The following FGD3 variants were observed in gnomAD, a reference collection of about 807,000 sequenced individuals.
FGD3 encodes FYVE, RhoGEF and PH domain-containing protein 3.
FGD3 carries 45 observed loss-of-function variants against 71.8 expected under a neutral mutation model. That is an observed-to-expected ratio of 0.63 (90% confidence interval 0.49 to 0.80). FGD3 has a LOEUF of 0.80. FGD3 is among the 30% of genes least tolerant of loss of function. FGD3 has a pLI of 0.00. For synonymous variants in FGD3, 378 were observed against 392.8 expected (o/e 0.96, Z 0.44); for missense variants, 844 against 951.5 (o/e 0.89, Z 1.49).
intron 1 of FGD3, among the ~76,000 whole-genome samples, chr9:92,973,219 G>A (rs111386560): frequency 6.8e-6 from 1 of 147,194 alleles, no homozygotes; most frequent in African/African-American, 2.5e-5. Context: ...AGTTCAAGCA[G>A]TTCTCCTGCC....
intron 1 of FGD3, among the ~76,000 whole-genome samples, chr9:92,973,790 C>T (rs1009275119): frequency 2.0e-5 from 3 of 152,198 alleles, no homozygotes; most frequent in East Asian, 1.9e-4. Context: ...ACATGCTGAA[C>T]GGTCCTCGAG....
At chr9:93,005,563 T>C (rs1861018215) in intron 5 of FGD3, among the ~76,000 whole-genome samples, 1 of 152,222 alleles carries the variant, frequency 6.6e-6, no homozygotes, top group African/African-American at 2.4e-5. Context: ...TCTTGAAAAT[T>C]ATTTGCAAAT....
rs1467012177 is a variant in FGD3, at chr9:93,019,908, G to A, written c.1386+47G>A. The A allele has an allele frequency of 5.6e-6, 9 of 1,602,048 alleles. No individual in the cohort carries two copies. In the Admixed American group the frequency reaches 1.3e-4, roughly 24 times the overall value. ...AGTAACCAAATGACCAAGTGATTGAGCAGTAAGGCCATTCATGTTGGTTCA... is the reference window on the plus strand; with the variant it reads ...AGTAACCAAATGACCAAGTGATTGAACAGTAAGGCCATTCATGTTGGTTCA... On this transcript the variant is annotated intron_variant, in intron 12 of 17. Coordinates refer to ENST00000375482, the MANE Select transcript of FGD3 (RefSeq NM_001083536.2).
intron 11 of FGD3, among the ~76,000 whole-genome samples, chr9:93,018,908 C>G (rs988493704): frequency 1.3e-5 from 2 of 152,040 alleles, no homozygotes; most frequent in African/African-American, 4.8e-5. Flanking sequence ...TGCAGTGGCA[C>G]AATCTCGGCT....
chr9:93,000,941 G>A (rs1297915008), intron 3 of FGD3, among the ~76,000 whole-genome samples: 2 of 151,794 alleles, frequency 1.3e-5, no homozygotes, highest in Non-Finnish European at 2.9e-5. Context: ...ACTTGATAGT[G>A]GCCCATACAT....
intron 6 of FGD3, among the ~76,000 whole-genome samples, chr9:93,009,912 G>A (rs972134845): frequency 3.9e-5 from 6 of 152,234 alleles, no homozygotes; most frequent in African/African-American, 7.2e-5. Context: ...TTAGGCCCAC[G>A]GGTGGGTGAG....
chr9:93,015,841 C>T lies in FGD3; in HGVS notation c.1275+12C>T. On this transcript the variant is annotated intron_variant, in intron 10 of 17. Coordinates refer to ENST00000375482, the MANE Select transcript of FGD3 (RefSeq NM_001083536.2). ...TCTCAGGCCTCCAGGTGGGTGAGCT[C>T]CTCCATCTCAAACCTGTCCCCCTGG... The T allele has an allele frequency of 6.2e-7, 1 of 1,613,060 alleles. No individual in the cohort carries two copies.
chr9:92,975,780 T>TGAGGAGGAG (rs138561005), intron 2 of FGD3, among the ~76,000 whole-genome samples: 2 of 151,306 alleles, frequency 1.3e-5, no homozygotes, highest in Non-Finnish European at 1.5e-5. Flanking sequence ...CAGGCAGTGG[T>TGAGGAGGAG]GAGGAGGAGG....
chr9:92,955,458 G>A (rs1241401306), intron 1 of FGD3, among the ~76,000 whole-genome samples: 1 of 152,074 alleles, frequency 6.6e-6, no homozygotes, highest in South Asian at 2.1e-4. Flanking sequence ...GGCAAAGAGA[G>A]CAAAACTCCC....
chr9:92,966,039 C>T (rs911267325), intron 1 of FGD3, among the ~76,000 whole-genome samples: 5 of 152,138 alleles, frequency 3.3e-5, no homozygotes, highest in African/African-American at 4.8e-5. Flanking sequence ...CTAGGCGGGA[C>T]GACCGTCAGC....
chr9:92,997,671 G>A (rs1182412569), intron 3 of FGD3, among the ~76,000 whole-genome samples: 1 of 152,070 alleles, frequency 6.6e-6, no homozygotes, highest in African/African-American at 2.4e-5. Context: ...CAGGCCTGGT[G>A]GTAACAAAAC....
At chr9:93,009,833 G>C (rs918467609) in intron 6 of FGD3, among the ~76,000 whole-genome samples, 5 of 152,230 alleles carry the variant, frequency 3.3e-5, no homozygotes, top group African/African-American at 9.6e-5. Context: ...GCCCTGGCCC[G>C]ATACCCAGTG....
In FGD3 at chr9:92,947,563, C is replaced by A. The variant is rs1442784692; in HGVS notation, c.-384C>A. ...GGCGCGGGAAGCACAGCCCGGCCCT[C>A]CAGGTCCCCAAGGAGACCCCAGCCT... On this transcript the variant is annotated 5_prime_UTR_variant, in exon 1 of 18. Coordinates refer to ENST00000375482, the MANE Select transcript of FGD3 (RefSeq NM_001083536.2). The A allele has an allele frequency of 2.0e-5, 3 of 152,554 alleles. No homozygotes were observed. In the East Asian group the frequency reaches 5.8e-4, roughly 29 times the overall value. 9.5% of individuals were successfully genotyped at this position (152,554 alleles called of 1,614,324 possible). A position where few individuals can be genotyped will look rare whatever the true frequency, so the allele number is the denominator to read the frequency against.
chr9:92,967,035 C>T (rs926864008), intron 1 of FGD3, among the ~76,000 whole-genome samples: 25 of 149,790 alleles, frequency 1.7e-4, no homozygotes, highest in Non-Finnish European at 1.3e-4. Flanking sequence ...CATCTCGGTT[C>T]ACTGCAACCT....
At chr9:93,029,838 T>G (rs1391797793) in intron 14 of FGD3, 36 bp from the exon 15 acceptor site, 47 of 1,601,966 alleles carry the variant, frequency 2.9e-5, no homozygotes, top group Non-Finnish European at 3.6e-5. Context: ...GCACACATGA[T>G]TCAGAAGCTG....
chr9:92,981,246 T>C (rs546129146), intron 3 of FGD3, among the ~76,000 whole-genome samples: 289 of 151,550 alleles, frequency 1.9e-3, no homozygotes, highest in Non-Finnish European at 3.6e-3. Context: ...TGGGCACCTG[T>C]AGTCCCAGCT....
At chr9:92,966,977 G>A (rs946902741) in intron 1 of FGD3, among the ~76,000 whole-genome samples, 7 of 148,818 alleles carry the variant, frequency 4.7e-5, no homozygotes, top group Non-Finnish European at 8.9e-5. Context: ...TTTTTTTTGG[G>A]GGGGGATGGA....
At chr9:92,964,806 T>C (rs1859252179) in intron 1 of FGD3, among the ~76,000 whole-genome samples, 1 of 152,092 alleles carries the variant, frequency 6.6e-6, no homozygotes, top group African/African-American at 2.4e-5. Context: ...GCCCCTCTCA[T>C]GTCACCCAGG....
chr9:92,987,532 T>C (rs1159132627), intron 3 of FGD3, among the ~76,000 whole-genome samples: 3 of 152,148 alleles, frequency 2.0e-5, no homozygotes, highest in African/African-American at 7.2e-5. Flanking sequence ...ATGAGCCTCC[T>C]GTCTAGGAGG....
Sources: allele counts gnomAD v4.1 joint callset (sites outside exome capture counted in the v4.1 genomes callset), GRCh38; gene constraint gnomAD v4.1.1; transcripts MANE v1.5; gene names NCBI Gene and HGNC (gene_info 2026-07-23, HGNC 2026-07-21).